GALNT13: variants seen among roughly 807,000 people sequenced by gnomAD.
GALNT13 encodes the protein UDP-GalNAc:polypeptide N-acetylgalactosaminyltransferase 13.
Under a neutral mutation model 64.2 loss-of-function variants are expected in GALNT13, and 28 were observed. That is an observed-to-expected ratio of 0.44 (90% CI 0.32 to 0.60). The LOEUF is 0.60. Among genes scored for constraint, GALNT13 ranks in the 20% least tolerant of loss-of-function variants. The probability of loss-of-function intolerance (pLI) is 0.05; values close to 1 mark genes in which losing one functional copy is unlikely to be tolerated. For synonymous variants in GALNT13, 214 were observed against 224.6 expected, an observed-to-expected ratio of 0.95 and a Z score of 0.42; for missense variants, 577 against 669.8, an observed-to-expected ratio of 0.86 and a Z score of 1.53.
the GALNT13 span, among the ~76,000 whole-genome samples, chr2:153,373,872 CCTT>C: frequency 6.6e-6 from 1 of 152,044 alleles, no homozygotes; most frequent in Non-Finnish European, 1.5e-5. Context: ...GTCTATTTGT[CCTT>C]CTGTGATTAG....
intron 4 of GALNT13, among the ~76,000 whole-genome samples, chr2:154,230,917 A>G (rs775744321): frequency 6.6e-6 from 1 of 152,150 alleles, no homozygotes; most frequent in Non-Finnish European, 1.5e-5. Flanking sequence ...TTGCCATGAC[A>G]TTGCTAATAT....
intron 3 of GALNT13, among the ~76,000 whole-genome samples, chr2:154,004,734 G>T (rs1047311146): frequency 1.3e-5 from 2 of 152,116 alleles, no homozygotes; most frequent in African/African-American, 2.4e-5. Context: ...AAGTGGTAGG[G>T]TATTAAACTT....
chr2:154,371,133 A>G (rs909166960), intron 9 of GALNT13, among the ~76,000 whole-genome samples: 3 of 152,108 alleles, frequency 2.0e-5, no homozygotes, highest in South Asian at 2.1e-4. Flanking sequence ...AGGAGTTTCA[A>G]TGGAGTGGTG....
chr2:154,279,097 T>C (rs1316826750), intron 8 of GALNT13, among the ~76,000 whole-genome samples: 1 of 152,168 alleles, frequency 6.6e-6, no homozygotes, highest in Non-Finnish European at 1.5e-5. Context: ...AGAATATCTG[T>C]GTGACACTTA....
At chr2:153,519,262 G>T in the GALNT13 span, among the ~76,000 whole-genome samples, 3 of 152,122 alleles carry the variant, frequency 2.0e-5, no homozygotes, top group East Asian at 1.9e-4. Flanking sequence ...AATTTTGATT[G>T]TTGATATTGT....
the GALNT13 span, among the ~76,000 whole-genome samples, chr2:153,480,366 G>C: frequency 6.6e-6 from 1 of 151,948 alleles, no homozygotes; most frequent in East Asian, 1.9e-4. Flanking sequence ...TCAATTTTTT[G>C]ATATTTATGG....
chr2:154,079,473 T>C (rs1701159944), intron 3 of GALNT13, among the ~76,000 whole-genome samples: 1 of 151,068 alleles, frequency 6.6e-6, no homozygotes, highest in Non-Finnish European at 1.5e-5. Flanking sequence ...GATGGAAGTT[T>C]ATTTAACAGC....
the GALNT13 span, among the ~76,000 whole-genome samples, chr2:153,693,987 A>G: frequency 6.6e-6 from 1 of 152,092 alleles, no homozygotes; most frequent in Non-Finnish European, 1.5e-5. Context: ...GGGCACCTGT[A>G]GTTCCAGCTA....
chr2:154,050,997 G>A (rs1699573597), intron 3 of GALNT13, among the ~76,000 whole-genome samples: 1 of 152,140 alleles, frequency 6.6e-6, no homozygotes, highest in South Asian at 2.1e-4. Flanking sequence ...AGAACAATAT[G>A]AACTCTGAAA....
intron 2 of GALNT13, among the ~76,000 whole-genome samples, chr2:153,936,420 T>G (rs1690917907): frequency 1.3e-5 from 2 of 152,152 alleles, no homozygotes; most frequent in South Asian, 4.1e-4. Context: ...GGCACAACAT[T>G]GCCAGACTGT....
At chr2:153,691,038 G>A in the GALNT13 span, among the ~76,000 whole-genome samples, 1 of 152,144 alleles carries the variant, frequency 6.6e-6, no homozygotes, top group South Asian at 2.1e-4. Flanking sequence ...TTGTAAACCA[G>A]CCCTGATCCA....
chr2:153,583,171 GC>G, the GALNT13 span, among the ~76,000 whole-genome samples: 4 of 152,148 alleles, frequency 2.6e-5, no homozygotes, highest in Non-Finnish European at 5.9e-5. Flanking sequence ...TGAGGAGGAA[GC>G]ATTACTTAAG....
chr2:154,278,176 G>C (rs188618136), intron 8 of GALNT13, among the ~76,000 whole-genome samples: 1 of 151,912 alleles, frequency 6.6e-6, no homozygotes, highest in Non-Finnish European at 1.5e-5. Context: ...TTGCATTTGC[G>C]AAAAACATCA....
intron 9 of GALNT13, among the ~76,000 whole-genome samples, chr2:154,317,161 T>C (rs1449687039): frequency 1.4e-5 from 2 of 147,724 alleles, no homozygotes; most frequent in Admixed American, 6.9e-5. Context: ...TGCAGTAAGC[T>C]GAGACTGTGC....
chr2:154,240,891 G>A (rs947096007), intron 4 of GALNT13, among the ~76,000 whole-genome samples: 22 of 152,160 alleles, frequency 1.4e-4, no homozygotes, highest in African/African-American at 5.3e-4. Context: ...AAGCCAGAAA[G>A]GAGATGGAGT....
chr2:153,248,570 T>C, the GALNT13 span, among the ~76,000 whole-genome samples: 3 of 151,660 alleles, frequency 2.0e-5, no homozygotes, highest in Admixed American at 6.6e-5. Flanking sequence ...TCCCAGCACT[T>C]TGGGAGGCTG....
At chr2:153,884,821 A>G (rs147593410) in intron 1 of GALNT13, among the ~76,000 whole-genome samples, 13,351 of 67,546 alleles carry the variant, frequency 0.2, 1,711 homozygotes, top group East Asian at 0.69. Context: ...GTGTGTGTGT[A>G]TATATATGTG....
the GALNT13 span, among the ~76,000 whole-genome samples, chr2:153,278,180 G>C: frequency 1.3e-5 from 2 of 151,636 alleles, no homozygotes; most frequent in Admixed American, 6.6e-5. Flanking sequence ...TGATCTGTCC[G>C]CCTCGGCCTC....
At chr2:153,800,581 A>T in the GALNT13 span, among the ~76,000 whole-genome samples, 4 of 152,162 alleles carry the variant, frequency 2.6e-5, no homozygotes, top group Non-Finnish European at 5.9e-5. Flanking sequence ...TCTTCTCAAA[A>T]CCTGCAGCTA....
Sources: allele counts gnomAD v4.1 joint callset (sites outside exome capture counted in the v4.1 genomes callset), GRCh38; gene constraint gnomAD v4.1.1; transcripts MANE v1.5; gene names NCBI Gene and HGNC (gene_info 2026-07-23, HGNC 2026-07-21).